The following HMGN5 variants were observed in gnomAD, a reference collection of about 807,000 sequenced individuals.
HMGN5 encodes high mobility group nucleosome binding domain 5, also known as high mobility group nucleosome-binding domain-containing protein 5.
In HMGN5, 4 loss-of-function variants were observed where a neutral mutation model predicts 9.5. The observed-to-expected ratio is 0.42, with a 90% confidence interval of 0.21 to 0.96. HMGN5 has a LOEUF of 0.96. Among genes scored for constraint, HMGN5 ranks in the 40% least tolerant of loss-of-function variants. HMGN5 has a pLI of 0.30. For synonymous variants in HMGN5, 55 were observed against 57.1 expected, an observed-to-expected ratio of 0.96 and a Z score of 0.16; for missense variants, 192 against 187.5, an observed-to-expected ratio of 1.02 and a Z score of -0.14.
chrX:81,183,081 T>C (rs73634718), intron 1 of HMGN5, among the ~76,000 whole-genome samples: 2,133 of 111,686 alleles, frequency 0.019, 45 homozygotes, highest in African/African-American at 0.065. Flanking sequence ...ATTTAGGGTA[T>C]CTGATGGAAG....
chrX:81,190,582 T>TTTA (rs1172343629), intron 1 of HMGN5, among the ~76,000 whole-genome samples: 1 of 111,721 alleles, frequency 9.0e-6, no homozygotes, highest in Non-Finnish European at 1.9e-5. Flanking sequence ...TTTAATGATG[T>TTTA]TAAGGTTACG....
chrX:81,141,392 G>A (rs1279187128), intron 1 of HMGN5, among the ~76,000 whole-genome samples: 2 of 110,310 alleles, frequency 1.8e-5, no homozygotes, highest in Non-Finnish European at 3.8e-5. Flanking sequence ...GTCTGACCCA[G>A]CTCAGTTATA....
chrX:81,121,836 C>T, intron 1 of HMGN5, 164 bp from the exon 2 acceptor site: 1 of 283,672 alleles, frequency 3.5e-6, no homozygotes, highest in South Asian at 1.3e-4. Context: ...GCGAACTTGC[C>T]CGAAGCCCTC....
rs2075247264 is a variant in HMGN5 at position 81,114,646 on chromosome X, G to T, written c.*3C>A. The T allele has an allele frequency of 8.9e-7, 1 of 1,122,703 alleles. No individual in the cohort carries two copies. Among genetic ancestry groups the T allele is most frequent in the African/African-American group, 1.9e-5 (1 of 53,417 alleles). 92.5% of individuals were successfully genotyped at this position (1,122,703 alleles called of 1,213,427 possible). On this transcript the variant is annotated 3_prime_UTR_variant, in exon 7 of 7. Coordinates refer to ENST00000358130, the MANE Select transcript of HMGN5 (RefSeq NM_030763.3). ...CCAAATTATGAAACTACATAGGGCAGTTTTAAACAATACTCTGTGGCTCCT... is the reference window on the plus strand; with the variant it reads ...CCAAATTATGAAACTACATAGGGCATTTTTAAACAATACTCTGTGGCTCCT...
At chrX:81,191,040 T>G (rs2075492706) in intron 1 of HMGN5, among the ~76,000 whole-genome samples, 1 of 111,808 alleles carries the variant, frequency 8.9e-6, no homozygotes, top group South Asian at 3.7e-4. Context: ...ATTGTTTTAT[T>G]TATCTTAAAT....
chrX:81,200,758 A>G (rs1348938820), intron 1 of HMGN5, among the ~76,000 whole-genome samples: 2 of 110,958 alleles, frequency 1.8e-5, no homozygotes, highest in African/African-American at 6.6e-5. Context: ...CCTAATGTAA[A>G]CAACGAGTTG....
intron 1 of HMGN5, among the ~76,000 whole-genome samples, chrX:81,164,708 T>A (rs974671954): frequency 1.8e-5 from 2 of 111,381 alleles, no homozygotes; most frequent in South Asian, 3.8e-4. Context: ...AAGGGAAGAA[T>A]AAGATGCTGT....
chrX:81,194,081 A>T (rs1246176153), intron 1 of HMGN5, among the ~76,000 whole-genome samples: 1 of 111,864 alleles, frequency 8.9e-6, no homozygotes, highest in Non-Finnish European at 1.9e-5. Flanking sequence ...AAAAGGGTGT[A>T]GTTTCAATTA....
rs777477073 is a variant in HMGN5 at position 81,157,841 on chromosome X, G to A, written c.-123-36169C>T. On this transcript the variant is annotated intron_variant, in intron 1 of 6. Transcript: ENST00000358130. Reference sequence around the variant, plus strand: ...GTCACCCAGGCTGGAGTGCAGTGGCGCAATCTCGGCTCACTGCAAGCTCTG... The same window carrying A: ...GTCACCCAGGCTGGAGTGCAGTGGCACAATCTCGGCTCACTGCAAGCTCTG... 3.5e-4 allele frequency among the ~76,000 whole-genome samples: 38 copies of A among 110,048 alleles called. 1 individual carries two copies. In the South Asian group the frequency reaches 4.3e-3, roughly 13 times the overall value.
intron 1 of HMGN5, among the ~76,000 whole-genome samples, chrX:81,171,088 T>C (rs1298993715): frequency 1.8e-5 from 2 of 111,527 alleles, no homozygotes; most frequent in African/African-American, 6.5e-5. Context: ...GAATAACACA[T>C]CGCTATTGAG....
chrX:81,129,034 C>T (rs1406808861), intron 1 of HMGN5, among the ~76,000 whole-genome samples: 2 of 111,347 alleles, frequency 1.8e-5, no homozygotes, highest in Non-Finnish European at 3.8e-5. Flanking sequence ...AGAAAAAGAG[C>T]CATATTGAAG....
intron 1 of HMGN5, among the ~76,000 whole-genome samples, chrX:81,121,937 C>T (rs1355447781): frequency 8.9e-6 from 1 of 112,646 alleles, no homozygotes; most frequent in Non-Finnish European, 1.9e-5. Flanking sequence ...GCAGGAAAGC[C>T]AGAGCTGACT....
intron 1 of HMGN5, among the ~76,000 whole-genome samples, chrX:81,148,765 G>T (rs1231525599): frequency 9.1e-5 from 10 of 110,453 alleles, no homozygotes; most frequent in African/African-American, 3.3e-4. Context: ...AATCTACAAA[G>T]AACTTAAACA....
At chrX:81,128,140 TTTTG>T (rs2075289585) in intron 1 of HMGN5, among the ~76,000 whole-genome samples, 1 of 111,126 alleles carries the variant, frequency 9.0e-6, no homozygotes, top group African/African-American at 3.3e-5. Flanking sequence ...AATCATTCTT[TTTTG>T]TTTGTTTATT....
intron 1 of HMGN5, among the ~76,000 whole-genome samples, chrX:81,154,885 G>T (rs1485532531): frequency 9.2e-6 from 1 of 108,391 alleles, no homozygotes; most frequent in African/African-American, 3.4e-5. Flanking sequence ...TGCTGGTGAG[G>T]ATGTAAAGAA....
rs762375926 is a variant in HMGN5 at position 81,133,521 on chromosome X, G to T, written c.-123-11849C>A. Reference sequence around the variant, plus strand: ...GCACAAATACACCATGGACTACTATGCAGCCATAAAAAAGAATGAAATAAT... The same window carrying T: ...GCACAAATACACCATGGACTACTATTCAGCCATAAAAAAGAATGAAATAAT... On this transcript the variant is annotated intron_variant, in intron 1 of 6. Transcript: ENST00000358130. 2.7e-5 allele frequency among the ~76,000 whole-genome samples: 3 copies of T among 111,780 alleles called. No homozygotes were observed. The East Asian group carries it at 8.4e-4, about 31-fold the overall frequency.
chrX:81,136,409 G>C (rs773601106), intron 1 of HMGN5, among the ~76,000 whole-genome samples: 1 of 111,405 alleles, frequency 9.0e-6, no homozygotes, highest in Non-Finnish European at 1.9e-5. Flanking sequence ...AAGTGGGAAA[G>C]GTAAAGGGAC....
At chrX:81,153,585 AT>A (rs2075373526) in intron 1 of HMGN5, among the ~76,000 whole-genome samples, 2 of 3,320 alleles carry the variant, frequency 6.0e-4, no homozygotes, top group African/African-American at 2.1e-3. Flanking sequence ...CTCTCTCTCT[AT>A]ATATATATAT....
intron 1 of HMGN5, among the ~76,000 whole-genome samples, chrX:81,153,160 A>T (rs959341394): frequency 2.7e-5 from 3 of 109,165 alleles, no homozygotes; most frequent in African/African-American, 1.0e-4. Context: ...ATTAAAAAAA[A>T]TAAAAAAATA....
Sources: gnomAD v4.1 joint callset for allele counts (sites outside exome capture counted in the v4.1 genomes callset) on GRCh38, gnomAD v4.1.1 for gene constraint, MANE v1.5 for transcripts, NCBI Gene and HGNC (gene_info 2026-07-23, HGNC 2026-07-21) for gene names.